The following MAPK9 variants were observed in gnomAD, a reference collection of about 807,000 sequenced individuals.
The protein encoded by MAPK9 is mitogen-activated protein kinase 9.
Under a neutral mutation model 57.1 loss-of-function variants are expected in MAPK9, and 30 were observed. The observed-to-expected ratio is 0.53, with a 90% CI of 0.39 to 0.71. The LOEUF is 0.71. Ranked by LOEUF, MAPK9 falls within the 30% of genes least tolerant of loss-of-function variation. MAPK9 has a pLI of 0.00. For missense variants in MAPK9, 362 were observed against 521.0 expected, an observed-to-expected ratio of 0.69 and a Z score of 2.97; for synonymous variants, 155 against 177.0, an observed-to-expected ratio of 0.88 and a Z score of 0.99.
chr5:180,274,742 A>C (rs1439301273), intron 2 of MAPK9, among the ~76,000 whole-genome samples: 1 of 152,146 alleles, frequency 6.6e-6, no homozygotes, highest in African/African-American at 2.4e-5. Flanking sequence ...TGACTATAGA[A>C]CTATGAGATA....
Position 180,267,516 on chromosome 5 carries a change from C to T in MAPK9, c.252+1764G>A, listed in dbSNP as rs186048550. Among the ~76,000 whole-genome samples the T allele has an allele frequency of 3.2e-3, 461 of 143,020 alleles. 6 individuals are homozygous for T. Among genetic ancestry groups the T allele is most frequent in the Admixed American group, 0.023 (318 of 13,766 alleles). The allele number at this position is 143,020 out of a possible 152,430, so 93.8% of individuals were successfully genotyped here. On this transcript the variant is annotated intron_variant, in intron 3 of 11. Coordinates refer to ENST00000452135, the MANE Select transcript of MAPK9 (RefSeq NM_002752.5). ...GGCGGAGCTTGCAGTGAGCTGAGAT[C>T]GCGCCACTGCCCTCCAGGTTGGGCG...
chr5:180,279,302 C>T (rs1561842991), intron 2 of MAPK9, among the ~76,000 whole-genome samples: 1 of 152,196 alleles, frequency 6.6e-6, no homozygotes, highest in African/African-American at 2.4e-5. Context: ...GCCGATACAG[C>T]ATGTGTCATC....
intron 3 of MAPK9, among the ~76,000 whole-genome samples, chr5:180,267,191 T>G (rs1234416837): frequency 6.6e-6 from 1 of 152,060 alleles, no homozygotes; most frequent in Non-Finnish European, 1.5e-5. Context: ...TATTCAGGAG[T>G]TTTTACTTTT....
intron 3 of MAPK9, among the ~76,000 whole-genome samples, chr5:180,267,332 C>T (rs1361502446): frequency 2.0e-5 from 3 of 152,012 alleles, no homozygotes; most frequent in Admixed American, 6.6e-5. Flanking sequence ...GACGCCGAGG[C>T]AGGCAGATCA....
At chr5:180,270,181 G>C (rs746704116) in intron 2 of MAPK9, among the ~76,000 whole-genome samples, 3 of 152,074 alleles carry the variant, frequency 2.0e-5, no homozygotes, top group Non-Finnish European at 4.4e-5. Flanking sequence ...ACTCATGAGG[G>C]CTAACAGCTA....
At chr5:180,262,349 C>T (rs556847238) in intron 4 of MAPK9, among the ~76,000 whole-genome samples, 2 of 147,184 alleles carry the variant, frequency 1.4e-5, no homozygotes, top group African/African-American at 2.5e-5. Context: ...AGCAACGCCC[C>T]GATTCTTTGC....
chr5:180,243,267 T>C (rs1581172370), intron 7 of MAPK9, among the ~76,000 whole-genome samples: 1 of 152,110 alleles, frequency 6.6e-6, no homozygotes, highest in East Asian at 1.9e-4. Context: ...CAAATGATGC[T>C]CTATTTTACT....
intron 11 of MAPK9, 143 bp downstream of exon 11, chr5:180,238,189 G>C (rs1222386560): frequency 3.6e-6 from 2 of 555,504 alleles, no homozygotes; most frequent in Non-Finnish European, 6.5e-6. Context: ...AGAATTGCTT[G>C]AACCCAGGAG....
intron 10 of MAPK9, among the ~76,000 whole-genome samples, chr5:180,239,716 A>G (rs1313823781): frequency 6.6e-6 from 1 of 152,206 alleles, no homozygotes. Flanking sequence ...TCCCTCTTGA[A>G]GCAAATGATA....
Position 180,248,957 on chromosome 5 carries a change from C to G in MAPK9, c.616+16G>C. The G allele has an allele frequency of 6.3e-7, 1 of 1,580,694 alleles. No individual in the cohort carries two copies. The highest frequency in any genetic ancestry group is 8.6e-7 in the Non-Finnish European group (1 of 1,163,274). ...TTCTAAACATCCCAGCCTCTTCCAG[C>G]CCCGGCTATACTCACCGTTCTCTTT... On this transcript the variant is annotated intron_variant, in intron 6 of 11. Transcript: ENST00000452135.
intron 1 of MAPK9, among the ~76,000 whole-genome samples, chr5:180,288,572 C>T (rs750172765): frequency 1.3e-5 from 2 of 152,112 alleles, no homozygotes; most frequent in South Asian, 2.1e-4. Context: ...AGGTTGTGCC[C>T]GTATGTTTTA....
rs371658976 is a variant in MAPK9 at position 180,247,085 on chromosome 5, C to A, written c.688+354G>T. The A allele has an allele frequency of 1.2e-5, 3 of 253,402 alleles. No homozygotes were observed. Among genetic ancestry groups the A allele is most frequent in the Non-Finnish European group, 2.2e-5 (3 of 133,440 alleles). The allele number at this position is 253,402 out of a possible 1,614,324, so 15.7% of individuals were successfully genotyped here. A position where few individuals can be genotyped will look rare whatever the true frequency, so the allele number is the denominator to read the frequency against. On this transcript the variant is annotated intron_variant, in intron 7 of 11. Transcript: ENST00000452135. The surrounding 1 kb of genome is among the most constrained non-coding windows in gnomAD (Gnocchi z 4.5). ...ATAGCATCTTTCCTAGTTAAATTAA[C>A]GGAATAAACTAAATAATACAGTATT...
At chr5:180,245,233 C>G (rs553430207) in intron 7 of MAPK9, among the ~76,000 whole-genome samples, 7 of 152,326 alleles carry the variant, frequency 4.6e-5, no homozygotes, top group African/African-American at 1.4e-4. Flanking sequence ...CCTAGCAAGG[C>G]TCCTTGAAGG....
intron 7 of MAPK9, among the ~76,000 whole-genome samples, chr5:180,244,960 AT>A (rs1179148687): frequency 6.6e-6 from 1 of 152,022 alleles, no homozygotes; most frequent in East Asian, 1.9e-4. Flanking sequence ...CCCCGTCCTC[AT>A]CTCCTCATGT....
intron 2 of MAPK9, 73 bp from the exon 3 acceptor site, chr5:180,269,482 T>C (rs1480592084): frequency 2.2e-6 from 3 of 1,346,726 alleles, no homozygotes; most frequent in Non-Finnish European, 3.1e-6. Context: ...GAATATACAT[T>C]GAATATATCA....
chr5:180,236,297 C>T lies in MAPK9; in HGVS notation c.*87G>A. ...CTTACATGCAGAACATGGAGTTTTT[C>T]TATTTGGTTCCATCAACTCCCAAGC... On this transcript the variant is annotated 3_prime_UTR_variant, in exon 12 of 12. Transcript: ENST00000452135. 1 of 1,399,700 alleles carries T rather than the reference C, an allele frequency of 7.1e-7. No individual in the cohort carries two copies. The allele number at this position is 1,399,700 out of a possible 1,614,324, so 86.7% of individuals were successfully genotyped here. A position where few individuals can be genotyped will look rare whatever the true frequency, so the allele number is the denominator to read the frequency against.
At chr5:180,285,724 G>C (rs1202991308) in intron 1 of MAPK9, among the ~76,000 whole-genome samples, 1 of 151,810 alleles carries the variant, frequency 6.6e-6, no homozygotes, top group Admixed American at 6.6e-5. Flanking sequence ...AAGAGTTCCA[G>C]ACCAGCCTGG....
intron 3 of MAPK9, among the ~76,000 whole-genome samples, chr5:180,266,662 A>G (rs1007389284): frequency 1.3e-5 from 2 of 151,522 alleles, no homozygotes; most frequent in African/African-American, 4.9e-5. Flanking sequence ...TTTGTTGCCC[A>G]GGTGTGCCTT....
Position 180,247,833 on chromosome 5 carries a change from C to T in MAPK9, c.617-323G>A, listed in dbSNP as rs751227121. ...CCACCCCAGCCTCCATGGCCAAGTA[C>T]CGGGTCCCCTGTGAAGGATACAGTC... On this transcript the variant is annotated intron_variant, in intron 6 of 11. Coordinates refer to ENST00000452135, the MANE Select transcript of MAPK9 (RefSeq NM_002752.5). This position sits in a 1 kb window ranked among gnomAD's most constrained non-coding sequence, Gnocchi z 4.5. 3 of 1,613,432 alleles carry T rather than the reference C, an allele frequency of 1.9e-6. No homozygotes were observed. Among genetic ancestry groups the T allele is most frequent in the Admixed American group, 1.7e-5 (1 of 60,004 alleles).
Sources: gnomAD v4.1 joint callset for allele counts (sites outside exome capture counted in the v4.1 genomes callset) on GRCh38, gnomAD v4.1.1 for gene constraint, Gnocchi (gnomAD v3.1) non-coding constraint, MANE v1.5 for transcripts, NCBI Gene and HGNC (gene_info 2026-07-23, HGNC 2026-07-21) for gene names.